PIP5K1B: variants seen among roughly 807,000 people sequenced by gnomAD.
PIP5K1B encodes phosphatidylinositol-4-phosphate 5-kinase type 1 beta, also known as phosphatidylinositol 4-phosphate 5-kinase type-1 beta.
Under a neutral mutation model 67.0 loss-of-function variants are expected in PIP5K1B, and 42 were observed. The ratio of observed to expected loss-of-function variants is 0.63; its 90% CI spans 0.49 to 0.81. The LOEUF is 0.81. PIP5K1B is among the 30% of genes least tolerant of loss of function. PIP5K1B has a pLI of 0.00. For synonymous variants in PIP5K1B, 214 were observed against 231.4 expected (o/e 0.92, Z 0.68); for missense variants, 459 against 646.3 (o/e 0.71, Z 3.14).
intron 2 of PIP5K1B, among the ~76,000 whole-genome samples, chr9:68,773,272 A>G (rs1830752523): frequency 6.6e-6 from 1 of 152,216 alleles, no homozygotes; most frequent in Non-Finnish European, 1.5e-5. Flanking sequence ...CTTCAAGGGA[A>G]GGATAGTAGA....
chr9:68,866,107 A>AAT (rs781248326), intron 5 of PIP5K1B, among the ~76,000 whole-genome samples: 59,776 of 151,688 alleles, frequency 0.39, 12,398 homozygotes, highest in Middle Eastern at 0.48. Context: ...ATTTAGAGGC[A>AAT]TCCATTGTCA....
At chr9:68,935,442 T>C (rs1286227327) in intron 13 of PIP5K1B, among the ~76,000 whole-genome samples, 1 of 152,178 alleles carries the variant, frequency 6.6e-6, no homozygotes, top group Non-Finnish European at 1.5e-5. Flanking sequence ...CATTCCAGCC[T>C]GGGCAACAGA....
chr9:68,862,926 G>T (rs990121888), intron 4 of PIP5K1B, among the ~76,000 whole-genome samples: 13 of 151,852 alleles, frequency 8.6e-5, no homozygotes, highest in African/African-American at 3.1e-4. Context: ...GGTGTTAAAA[G>T]CTTGAAGAAA....
chr9:68,905,303 A>T (rs559188127), intron 8 of PIP5K1B, among the ~76,000 whole-genome samples: 2 of 152,042 alleles, frequency 1.3e-5, no homozygotes, highest in East Asian at 1.9e-4. Context: ...GATGGTAGCA[A>T]CTCTGGCTTT....
Position 68,818,486 on chromosome 9 carries a change from A to G in PIP5K1B, c.-60A>G, listed in dbSNP as rs1833564521. 6.6e-6 allele frequency: 1 copy of G among 152,622 alleles called. No homozygotes were observed. Among genetic ancestry groups the G allele is most frequent in the Non-Finnish European group, 1.5e-5 (1 of 68,036 alleles). 9.5% of individuals were successfully genotyped at this position (152,622 alleles called of 1,614,324 possible). On this transcript the variant is annotated 5_prime_UTR_variant, in exon 3 of 16. Transcript: ENST00000265382. ...AAACCTGGCAAAGAAAACGGTCTCG[A>G]CAATGAGTAGGCCACCCATCACTAC... is the stretch of plus-strand genomic sequence containing the variant.
At chr9:68,805,581 G>A (rs1832828462) in intron 2 of PIP5K1B, among the ~76,000 whole-genome samples, 1 of 152,170 alleles carries the variant, frequency 6.6e-6, no homozygotes, top group East Asian at 1.9e-4. Flanking sequence ...GCCACTTGAG[G>A]ATTCCATACA....
chr9:68,920,092 G>A (rs1826289495), intron 11 of PIP5K1B, among the ~76,000 whole-genome samples: 4 of 152,122 alleles, frequency 2.6e-5, no homozygotes, highest in African/African-American at 9.7e-5. Flanking sequence ...TCCTGACTCT[G>A]ATGGTGAACA....
At chr9:68,897,693 G>A (rs150528188) in intron 8 of PIP5K1B, among the ~76,000 whole-genome samples, 3 of 152,238 alleles carry the variant, frequency 2.0e-5, no homozygotes, top group East Asian at 3.9e-4. Flanking sequence ...TAAGGACTTA[G>A]CAGTAGCAAA....
intron 4 of PIP5K1B, among the ~76,000 whole-genome samples, chr9:68,830,711 T>A (rs1483347058): frequency 6.6e-6 from 1 of 152,186 alleles, no homozygotes. Context: ...CACAGTGTTG[T>A]TGAGTTTGGT....
chr9:68,727,013 A>G (rs367841281), intron 1 of PIP5K1B, among the ~76,000 whole-genome samples: 2 of 152,096 alleles, frequency 1.3e-5, no homozygotes, highest in East Asian at 3.9e-4. Flanking sequence ...TATTTTTTAT[A>G]TAGACAATCA....
At chr9:68,917,895 G>T (rs1490105974) in intron 9 of PIP5K1B, 136 bp downstream of exon 9, 3 of 634,558 alleles carry the variant, frequency 4.7e-6, no homozygotes, top group Admixed American at 2.8e-5. Context: ...GGGTTAAACT[G>T]GTCTCCATTT....
chr9:68,892,421 TAGAC>T (rs1824839641), intron 7 of PIP5K1B, among the ~76,000 whole-genome samples: 1 of 152,228 alleles, frequency 6.6e-6, no homozygotes, highest in Non-Finnish European at 1.5e-5. Context: ...AGTACAGTTT[TAGAC>T]AGATAAATTA....
In PIP5K1B at chr9:68,917,778, C is replaced by T; in HGVS notation, c.983+19C>T. ...CAGACACGTAAGTGCAGCCACACAC[C>T]TACCCACCCTCTTGACTGTGGCAGC... On this transcript the variant is annotated intron_variant, in intron 9 of 15. Coordinates refer to ENST00000265382, the MANE Select transcript of PIP5K1B (RefSeq NM_003558.4). 1 of 1,577,150 alleles carries T rather than the reference C, an allele frequency of 6.3e-7. No individual in the cohort carries two copies. The highest frequency in any genetic ancestry group is 8.7e-7 in the Non-Finnish European group (1 of 1,147,016).
chr9:68,753,333 A>G (rs1587390354), intron 2 of PIP5K1B, among the ~76,000 whole-genome samples: 1 of 126,786 alleles, frequency 7.9e-6, no homozygotes, highest in East Asian at 2.5e-4. Flanking sequence ...TTCCCCCCAC[A>G]TTTTCTTGAT....
chr9:68,812,019 A>G (rs575119533), intron 2 of PIP5K1B, among the ~76,000 whole-genome samples: 8 of 152,282 alleles, frequency 5.3e-5, no homozygotes, highest in Admixed American at 1.3e-4. Context: ...GCACTGATTT[A>G]GAGAATGGCA....
intron 12 of PIP5K1B, among the ~76,000 whole-genome samples, chr9:68,932,116 C>T (rs6560444): frequency 0.64 from 97,474 of 152,046 alleles, 34,797 homozygotes; most frequent in Non-Finnish European, 0.78. Context: ...TCTTTTGGCC[C>T]TCACTCCATG....
rs1164662147 is a variant in PIP5K1B at position 68,917,662 on chromosome 9, C to T, written c.886C>T (p.Arg296Trp). The change falls in exon 9 of 16, where the codon CGG (arginine) becomes TGG (tryptophan). Residue 296 changes from arginine (R) to tryptophan (W), a missense_variant. By Grantham distance (101) the Arg-to-Trp change is moderately radical. This residue lies in a region of PIP5K1B where 290 missense variants were observed against 474.4 expected (regional missense o/e 0.61). Coordinates refer to ENST00000265382, the MANE Select transcript of PIP5K1B (RefSeq NM_003558.4). The part of the protein sequence containing the change: ...ETPQNVPDAK[R>W]TGMQKVLYST... ...CCCACAAAATGTGCCTGATGCTAAG[C>T]GGACTGGGATGCAGAAGGTTCTCTA... is the stretch of plus-strand genomic sequence containing the variant. 6.8e-6 allele frequency: 11 copies of T among 1,613,890 alleles called. No homozygotes were observed. The highest frequency in any genetic ancestry group is 1.1e-5 in the South Asian group (1 of 91,086).
intron 11 of PIP5K1B, among the ~76,000 whole-genome samples, chr9:68,921,860 T>C (rs1826422440): frequency 6.6e-6 from 1 of 152,036 alleles, no homozygotes; most frequent in East Asian, 1.9e-4. Context: ...CATAAATAAA[T>C]AATAAATAAA....
At chr9:68,923,885 C>G (rs116649193) in intron 12 of PIP5K1B, among the ~76,000 whole-genome samples, 1 of 152,198 alleles carries the variant, frequency 6.6e-6, no homozygotes, top group African/African-American at 2.4e-5. Context: ...AGTATCTTTT[C>G]TGATCACAAT....
Sources: gnomAD v4.1 joint callset for allele counts (sites outside exome capture counted in the v4.1 genomes callset) on GRCh38, gnomAD v4.1.1 for gene constraint, gnomAD v4.1.1 regional missense constraint, MANE v1.5 for transcripts, NCBI Gene and HGNC (gene_info 2026-07-23, HGNC 2026-07-21) for gene names.